SPAG16: variants seen among roughly 807,000 people sequenced by gnomAD.
SPAG16 encodes sperm associated antigen 16.
SPAG16 carries 86 observed loss-of-function variants against 80.4 expected under a neutral mutation model. The observed-to-expected ratio is 1.07, with a 90% confidence interval of 0.90 to 1.28. The LOEUF is 1.28. Among genes scored for constraint, SPAG16 ranks in the 50% most tolerant of loss-of-function variants. The probability of loss-of-function intolerance (pLI) is 0.00; values close to 1 mark genes in which losing one functional copy is unlikely to be tolerated. For synonymous variants in SPAG16, 294 were observed against 265.9 expected (o/e 1.11, Z -1.03); for missense variants, 870 against 765.3 (o/e 1.14, Z -1.61).
intron 10 of SPAG16, among the ~76,000 whole-genome samples, chr2:213,756,508 A>G (rs2068342124): frequency 6.6e-6 from 1 of 152,138 alleles, no homozygotes; most frequent in Admixed American, 6.6e-5. Flanking sequence ...ATAAATCTTT[A>G]GACTAATTGA....
At chr2:213,863,776 C>T (rs759343246) in intron 11 of SPAG16, among the ~76,000 whole-genome samples, 2 of 152,106 alleles carry the variant, frequency 1.3e-5, no homozygotes, top group Non-Finnish European at 2.9e-5. Flanking sequence ...GCCAGTGACT[C>T]AGAGATTTTC....
chr2:213,846,289 A>T (rs1002551303), intron 10 of SPAG16, among the ~76,000 whole-genome samples: 1 of 152,086 alleles, frequency 6.6e-6, no homozygotes, highest in Non-Finnish European at 1.5e-5. Flanking sequence ...AAGTACATAC[A>T]TAAGTATAAA....
At chr2:214,344,875 T>G (rs1202012566) in intron 15 of SPAG16, among the ~76,000 whole-genome samples, 1 of 152,184 alleles carries the variant, frequency 6.6e-6, no homozygotes, top group Admixed American at 6.5e-5. Flanking sequence ...TTAGTTCTAG[T>G]AACTGGGCTC....
chr2:214,195,052 A>T (rs1035156419), intron 15 of SPAG16, among the ~76,000 whole-genome samples: 3 of 152,018 alleles, frequency 2.0e-5, no homozygotes, highest in African/African-American at 7.2e-5. Flanking sequence ...GAATTACATG[A>T]ATGAAAGAAA....
intron 11 of SPAG16, among the ~76,000 whole-genome samples, chr2:213,915,668 G>A (rs1478205765): frequency 6.6e-6 from 1 of 152,012 alleles, no homozygotes; most frequent in Non-Finnish European, 1.5e-5. Context: ...TGAGTCAAAT[G>A]GTATTTCTGG....
chr2:214,213,204 G>A (rs1249363856), intron 15 of SPAG16, among the ~76,000 whole-genome samples: 1 of 152,166 alleles, frequency 6.6e-6, no homozygotes, highest in Non-Finnish European at 1.5e-5. Context: ...AGCAAATAAT[G>A]CATGCACCAT....
intron 15 of SPAG16, among the ~76,000 whole-genome samples, chr2:214,361,064 A>G (rs1345709223): frequency 2.0e-5 from 3 of 151,778 alleles, no homozygotes; most frequent in Non-Finnish European, 4.4e-5. Context: ...AGATATGTGG[A>G]GAAGGGATTC....
At chr2:213,335,627 A>G (rs2064319169) in intron 5 of SPAG16, among the ~76,000 whole-genome samples, 1 of 152,200 alleles carries the variant, frequency 6.6e-6, no homozygotes, top group South Asian at 2.1e-4. Flanking sequence ...TCAGAAAAGA[A>G]TAAATTGTTT....
intron 13 of SPAG16, among the ~76,000 whole-genome samples, chr2:214,059,192 A>C (rs1211694795): frequency 2.4e-3 from 64 of 26,632 alleles, no homozygotes; most frequent in African/African-American, 8.7e-3. Context: ...CTGTCTATAT[A>C]TATATATATA....
chr2:214,177,436 C>T (rs1352590007), intron 15 of SPAG16, among the ~76,000 whole-genome samples: 1 of 150,956 alleles, frequency 6.6e-6, no homozygotes, highest in African/African-American at 2.4e-5. Context: ...CTCTAGTATT[C>T]CAGGAATTCT....
At chr2:214,161,169 A>G (rs2056419646) in intron 15 of SPAG16, among the ~76,000 whole-genome samples, 1 of 152,130 alleles carries the variant, frequency 6.6e-6, no homozygotes, top group Non-Finnish European at 1.5e-5. Flanking sequence ...TCCATGGTGG[A>G]GATGTACAAC....
chr2:214,036,401 A>T (rs1203042629), intron 13 of SPAG16, among the ~76,000 whole-genome samples: 1 of 152,180 alleles, frequency 6.6e-6, no homozygotes, highest in Non-Finnish European at 1.5e-5. Context: ...GGTATTAGAG[A>T]TCAAGATTAG....
At chr2:214,330,053 G>A (rs1200154577) in intron 15 of SPAG16, among the ~76,000 whole-genome samples, 1 of 151,614 alleles carries the variant, frequency 6.6e-6, no homozygotes, top group Non-Finnish European at 1.5e-5. Context: ...GATCACCTGA[G>A]GTCAGGAGTT....
intron 15 of SPAG16, among the ~76,000 whole-genome samples, chr2:214,188,626 CA>C (rs1326945222): frequency 6.6e-6 from 1 of 152,110 alleles, no homozygotes; most frequent in Non-Finnish European, 1.5e-5. Flanking sequence ...TTTGCAAATG[CA>C]ATTGCTCAGT....
At chr2:214,079,678 G>C (rs904507007) in intron 13 of SPAG16, among the ~76,000 whole-genome samples, 1 of 152,112 alleles carries the variant, frequency 6.6e-6, no homozygotes, top group Admixed American at 6.5e-5. Flanking sequence ...AAGATAATGT[G>C]GGACCAATAA....
chr2:213,483,997 A>C (rs577843043), intron 9 of SPAG16, among the ~76,000 whole-genome samples: 37 of 152,326 alleles, frequency 2.4e-4, no homozygotes, highest in African/African-American at 8.7e-4. Context: ...ACAAATAAGA[A>C]GTTTAGTCAA....
chr2:214,202,289 T>C (rs904736559), intron 15 of SPAG16, among the ~76,000 whole-genome samples: 1 of 152,200 alleles, frequency 6.6e-6, no homozygotes, highest in Admixed American at 6.5e-5. Context: ...TGCCTTATGA[T>C]ATGTCTGTAT....
intron 5 of SPAG16, among the ~76,000 whole-genome samples, chr2:213,329,102 C>T (rs1047444618): frequency 6.6e-6 from 1 of 152,172 alleles, no homozygotes; most frequent in Admixed American, 6.5e-5. Context: ...GTCCATTAAA[C>T]CTCTTTTTCT....
intron 4 of SPAG16, among the ~76,000 whole-genome samples, chr2:213,312,460 A>G (rs74605217): frequency 6.6e-6 from 1 of 151,650 alleles, no homozygotes; most frequent in East Asian, 1.9e-4. Flanking sequence ...TCCCCTATTA[A>G]CATTGTCAGA....
Sources: gnomAD v4.1 joint callset for allele counts (sites outside exome capture counted in the v4.1 genomes callset) on GRCh38, gnomAD v4.1.1 for gene constraint, MANE v1.5 for transcripts, NCBI Gene and HGNC (gene_info 2026-07-23, HGNC 2026-07-21) for gene names.